The following C3orf20 variants were observed in gnomAD, a reference collection of about 807,000 sequenced individuals.
C3orf20 encodes the protein family with sequence similarity 149 member C.
In C3orf20, 76 loss-of-function variants were observed where a neutral mutation model predicts 88.3. That is an observed-to-expected ratio of 0.86 (90% CI 0.72 to 1.04). C3orf20 has a LOEUF of 1.04. Ranked by LOEUF, C3orf20 falls within the 50% of genes least tolerant of loss-of-function variation. The pLI, the probability that C3orf20 is intolerant of heterozygous loss-of-function variation, is 0.00. For synonymous variants in C3orf20, 436 were observed against 437.4 expected, an observed-to-expected ratio of 1.00 and a Z score of 0.04; for missense variants, 1,056 against 1,123.3, an observed-to-expected ratio of 0.94 and a Z score of 0.86.
intron 15 of C3orf20, among the ~76,000 whole-genome samples, chr3:14,765,990 G>A (rs2035691408): frequency 6.6e-6 from 1 of 152,244 alleles, no homozygotes; most frequent in South Asian, 2.1e-4. Context: ...AGAAGGGTGA[G>A]GGCCTGCCAG....
intron 1 of C3orf20, among the ~76,000 whole-genome samples, chr3:14,675,839 C>T (rs1559387897): frequency 1.3e-5 from 2 of 152,088 alleles, no homozygotes; most frequent in Non-Finnish European, 1.5e-5. Flanking sequence ...TACAGGCATG[C>T]ACCACCACGT....
chr3:14,696,272 A>G lies in C3orf20; in HGVS notation c.745+6156A>G, dbSNP rs141895900. ...AAAGAAACAAGCAAAGAGAAAACTA[A>G]TAAAACTCTACACCTTAACTTCATC... On this transcript the variant is annotated intron_variant, in intron 5 of 16. Coordinates refer to ENST00000253697, the MANE Select transcript of C3orf20 (RefSeq NM_032137.5). 1.6e-3 allele frequency among the ~76,000 whole-genome samples: 243 copies of G among 151,648 alleles called. 2 individuals are homozygous for G. The highest frequency in any genetic ancestry group is 5.0e-3 in the African/African-American group (208 of 41,442).
chr3:14,719,440 G>A (rs1225944337), intron 9 of C3orf20, among the ~76,000 whole-genome samples: 1 of 152,226 alleles, frequency 6.6e-6, no homozygotes, highest in African/African-American at 2.4e-5. Flanking sequence ...GAAAGGAAGA[G>A]GGAATTGTAG....
At chr3:14,739,917 G>A (rs988499187) in intron 12 of C3orf20, among the ~76,000 whole-genome samples, 9 of 152,158 alleles carry the variant, frequency 5.9e-5, no homozygotes, top group Non-Finnish European at 1.2e-4. Context: ...GAGAGCTTGG[G>A]CCTTGCTCCA....
Position 14,715,385 on chromosome 3 carries a change from G to T in C3orf20, c.1410G>T (p.Glu470Asp). ...AGTGGAGCTGGACTTCCAGGACAGA[G>T]ACCCTGCTTTCCCTGGAATACAAGG... ...VHKWSWTSRT[E>D]TLLSLEYKVN... Residue 470 changes from glutamate (E) to aspartate (D), a missense_variant, in exon 9 of 17, where the codon GAG becomes GAT. By Grantham distance (45) the Glu-to-Asp change is conservative. Coordinates refer to ENST00000253697, the MANE Select transcript of C3orf20 (RefSeq NM_032137.5). The T allele has an allele frequency of 6.2e-7, 1 of 1,612,210 alleles. No individual in the cohort carries two copies. The highest frequency in any genetic ancestry group is 1.1e-5 in the South Asian group (1 of 90,892).
chr3:14,764,925 AAG>A (rs2035662859), intron 15 of C3orf20: 1 of 152,426 alleles, frequency 6.6e-6, no homozygotes, highest in Admixed American at 6.5e-5. Context: ...TTGATGGGGA[AAG>A]AGTGTTGAAG....
chr3:14,705,194 A>G (rs536830308), intron 7 of C3orf20, among the ~76,000 whole-genome samples: 3 of 152,252 alleles, frequency 2.0e-5, no homozygotes, highest in Admixed American at 1.3e-4. Flanking sequence ...GGGAGCAACA[A>G]AAGGAGACAC....
intron 11 of C3orf20, among the ~76,000 whole-genome samples, chr3:14,727,793 A>T (rs1015379243): frequency 7.9e-5 from 12 of 152,122 alleles, no homozygotes; most frequent in African/African-American, 2.9e-4. Context: ...GAAAGAAAGG[A>T]TCCCACAGCA....
intron 14 of C3orf20, 116 bp downstream of exon 14, chr3:14,760,114 C>T (rs1055761166): frequency 1.1e-5 from 9 of 783,568 alleles, no homozygotes; most frequent in South Asian, 4.7e-5. Flanking sequence ...GGAGGGGCTG[C>T]GGAATTATCT....
At chr3:14,746,600 T>C (rs1432600) in intron 12 of C3orf20, among the ~76,000 whole-genome samples, 4,801 of 152,320 alleles carry the variant, frequency 0.032, 141 homozygotes, top group East Asian at 0.17. Flanking sequence ...AGGCTAGTTG[T>C]CCCTCAGTGT....
At chr3:14,739,755 A>G (rs1056450701) in intron 12 of C3orf20, among the ~76,000 whole-genome samples, 10 of 152,242 alleles carry the variant, frequency 6.6e-5, no homozygotes, top group Admixed American at 3.3e-4. Context: ...TCTGTATAAC[A>G]TGCTTTAGCT....
intron 15 of C3orf20, among the ~76,000 whole-genome samples, chr3:14,769,546 C>T (rs1575168675): frequency 1.3e-5 from 2 of 151,010 alleles, no homozygotes; most frequent in African/African-American, 5.0e-5. Flanking sequence ...TAGGTGGAGG[C>T]AGGAGGGGTA....
rs143423602 is a variant in C3orf20 at position 14,759,354 on chromosome 3, G to A, written c.2245-537G>A. Among the ~76,000 whole-genome samples the A allele has an allele frequency of 7.8e-3, 1,182 of 152,226 alleles. 15 individuals are homozygous for A. The highest frequency in any genetic ancestry group is 0.027 in the African/African-American group (1,109 of 41,510). ...ATCTGAGGCATCCAGAAAGAAGGAG[G>A]GGAGAGAGGCCAGCTTTCCTCTGAA... On this transcript the variant is annotated intron_variant, in intron 13 of 16. Coordinates refer to ENST00000253697, the MANE Select transcript of C3orf20 (RefSeq NM_032137.5).
chr3:14,690,510 A>T (rs1213777169), intron 5 of C3orf20, among the ~76,000 whole-genome samples: 4 of 152,230 alleles, frequency 2.6e-5, no homozygotes, highest in African/African-American at 7.2e-5. Context: ...GAAGAGAGGT[A>T]TTTGGATACC....
chr3:14,705,186 G>A (rs2033449372), intron 7 of C3orf20, among the ~76,000 whole-genome samples: 1 of 152,220 alleles, frequency 6.6e-6, no homozygotes, highest in South Asian at 2.1e-4. Context: ...TTGGATGTGG[G>A]AGCAACAAAA....
At chr3:14,688,578 G>T (rs113554084) in intron 4 of C3orf20, among the ~76,000 whole-genome samples, 126 of 150,712 alleles carry the variant, frequency 8.4e-4, no homozygotes, top group African/African-American at 2.9e-3. Flanking sequence ...AAAAAAAGCT[G>T]TATCCAGAAT....
intron 9 of C3orf20, among the ~76,000 whole-genome samples, chr3:14,720,683 A>G (rs1399310925): frequency 2.6e-5 from 4 of 152,046 alleles, no homozygotes; most frequent in Admixed American, 2.0e-4. Flanking sequence ...AGGGCTGCAC[A>G]CTCTGAGGCT....
intron 12 of C3orf20, among the ~76,000 whole-genome samples, chr3:14,740,405 C>T (rs2034867096): frequency 6.6e-6 from 1 of 152,026 alleles, no homozygotes; most frequent in African/African-American, 2.4e-5. Context: ...TTCATTGGTG[C>T]CCCCAAACAA....
At chr3:14,698,253 T>C (rs2033097058) in intron 5 of C3orf20, among the ~76,000 whole-genome samples, 1 of 152,218 alleles carries the variant, frequency 6.6e-6, no homozygotes, top group Non-Finnish European at 1.5e-5. Context: ...AGGTAACATA[T>C]CTGTTTCTCC....
Sources: allele counts gnomAD v4.1 joint callset (sites outside exome capture counted in the v4.1 genomes callset), GRCh38; gene constraint gnomAD v4.1.1; transcripts MANE v1.5; gene names NCBI Gene and HGNC (gene_info 2026-07-23, HGNC 2026-07-21).